The following PROM2 variants were observed in gnomAD, a reference collection of about 807,000 sequenced individuals.
PROM2 encodes prominin 2, also known as prominin-2.
Under a neutral mutation model 110.2 loss-of-function variants are expected in PROM2, and 90 were observed. The ratio of observed to expected loss-of-function variants is 0.82; its 90% CI spans 0.69 to 0.97. The LOEUF (loss-of-function observed/expected upper bound fraction) is 0.97, where lower values mean the gene tolerates loss of function less well. Ranked by LOEUF, PROM2 falls within the 50% of genes least tolerant of loss-of-function variation. The pLI, the probability that PROM2 is intolerant of heterozygous loss-of-function variation, is 0.00. For missense variants in PROM2, 1,009 were observed against 1,074.8 expected (o/e 0.94, Z 0.86); for synonymous variants, 470 against 467.8 (o/e 1.00, Z -0.06).
rs1365240895 is a variant in PROM2, at chr2:95,278,743, T to G, written c.1073T>G (p.Leu358Arg). The G allele has an allele frequency of 6.2e-7, 1 of 1,614,066 alleles. No individual in the cohort carries two copies. The highest frequency in any genetic ancestry group is 8.5e-7 in the Non-Finnish European group (1 of 1,180,020). ...CAGGAGAACAGCACCTTCAACGCCC[T>G]TCCAGCCCTGGCTGCCATGCAGACA... ...VQEENSTFNA[L>R]PALAAMQTSS... Residue 358 changes from leucine to arginine, a missense_variant, in exon 9 of 24, where the codon CTT becomes CGT. Transcript: ENST00000317620.
At position 95,276,171 on chromosome 2, in the gene PROM2, G is replaced by GC; in HGVS notation, c.497+44dup. 6.2e-7 allele frequency: 1 copy of GC among 1,612,220 alleles called. No homozygotes were observed. The highest frequency in any genetic ancestry group is 8.5e-7 in the Non-Finnish European group (1 of 1,178,918). ...CAGGGCCCGGGTAGGGCGGGCTGTGGCCCCCAGGCTCCCTCTTACCCAGCA... is the reference window on the plus strand; with the variant it reads ...CAGGGCCCGGGTAGGGCGGGCTGTGGCCCCCCAGGCTCCCTCTTACCCAGCA... On this transcript the variant is annotated intron_variant, in intron 3 of 23. Transcript: ENST00000317620. The surrounding 1 kb of genome is among the most constrained non-coding windows in gnomAD (Gnocchi z 4.6).
In PROM2 at chr2:95,276,617, A is replaced by G. The variant is rs1170464056; in HGVS notation, c.642A>G (p.Gln214=). ...VPQELQAVAQ[Q]FSLPQEQVSE... is the part of the protein sequence containing the mutation. The stretch of plus-strand genomic sequence containing the variant: ...AGGAGCTGCAGGCCGTGGCACAGCA[A>G]TTCTCCCTGCCCCAGGAGCAAGTCT... The change falls in exon 5 of 24, where the codon CAA becomes CAG. Residue 214 remains glutamine, a synonymous_variant. Coordinates refer to ENST00000317620, the MANE Select transcript of PROM2 (RefSeq NM_001165978.3). The surrounding 1 kb of genome is among the most constrained non-coding windows in gnomAD (Gnocchi z 4.6). 6.2e-7 allele frequency: 1 copy of G among 1,613,374 alleles called. No individual in the cohort carries two copies. The highest frequency in any genetic ancestry group is 2.2e-5 in the East Asian group (1 of 44,830).
rs1021426749 is a variant in PROM2, at chr2:95,290,729, G to A, written c.*1516G>A. ...TTGCCATGACTGCTCTGGGCCGGGG[G>A]TAGAGCTAGCATCCGGGCATGTACG... On this transcript the variant is annotated 3_prime_UTR_variant, in exon 24 of 24. Coordinates refer to ENST00000317620, the MANE Select transcript of PROM2 (RefSeq NM_001165978.3). The A allele has an allele frequency of 2.6e-5, 4 of 152,282 alleles. No individual in the cohort carries two copies. Among genetic ancestry groups the A allele is most frequent in the African/African-American group, 7.2e-5 (3 of 41,454 alleles). 9.4% of individuals were successfully genotyped at this position (152,282 alleles called of 1,614,324 possible). A position where few individuals can be genotyped will look rare whatever the true frequency, so the allele number is the denominator to read the frequency against.
chr2:95,281,885 C>T, intron 12 of PROM2, 40 bp from the exon 13 acceptor site: 1 of 1,485,110 alleles, frequency 6.7e-7, no homozygotes, highest in Non-Finnish European at 9.4e-7. Flanking sequence ...GCCTTGCCCC[C>T]ACCCCGCTCT....
intron 8 of PROM2, 51 bp downstream of exon 8, chr2:95,278,055 CCT>C: frequency 6.9e-7 from 1 of 1,448,626 alleles, no homozygotes; most frequent in Non-Finnish European, 9.6e-7. Flanking sequence ...CAAGTGAGGG[CCT>C]CTGTTTCCCC....
chr2:95,278,924 G>A, intron 9 of PROM2, 61 bp from the exon 10 acceptor site: 13 of 1,600,488 alleles, frequency 8.1e-6, no homozygotes, highest in Admixed American at 1.7e-5. Flanking sequence ...CTGCCCGCTT[G>A]TCTTGTTCCT....
In PROM2 at chr2:95,275,330, T is replaced by G; in HGVS notation, c.245-131T>G. On this transcript the variant is annotated intron_variant, in intron 1 of 23. Transcript: ENST00000317620. This position sits in a 1 kb window ranked among gnomAD's most constrained non-coding sequence, Gnocchi z 4.4. ...GGCACAGGGCTGCGGTGATGCAGCC[T>G]TCTGCGAGGGTGCCATGGTGGTGGC... 3.7e-6 allele frequency: 3 copies of G among 815,364 alleles called. No individual in the cohort carries two copies. Among genetic ancestry groups the G allele is most frequent in the Non-Finnish European group, 5.9e-6 (3 of 506,766 alleles). 50.5% of individuals were successfully genotyped at this position (815,364 alleles called of 1,614,324 possible). A position where few individuals can be genotyped will look rare whatever the true frequency, so the allele number is the denominator to read the frequency against.
chr2:95,275,403 G>T lies in PROM2; in HGVS notation c.245-58G>T. 6.6e-7 allele frequency: 1 copy of T among 1,526,532 alleles called. No individual in the cohort carries two copies. The highest frequency in any genetic ancestry group is 2.3e-5 in the East Asian group (1 of 43,984). The allele number at this position is 1,526,532 out of a possible 1,614,324, so 94.6% of individuals were successfully genotyped here. A position where few individuals can be genotyped will look rare whatever the true frequency, so the allele number is the denominator to read the frequency against. On this transcript the variant is annotated intron_variant, in intron 1 of 23. Transcript: ENST00000317620. The surrounding 1 kb of genome is among the most constrained non-coding windows in gnomAD (Gnocchi z 4.4). ...TTTGCCCTGGCAGTGGGGAGAGGAG[G>T]GACACAGGGGCAGGGCAGTGGCTGT...
intron 10 of PROM2, 65 bp from the exon 11 acceptor site, chr2:95,279,780 G>A (rs73957747): frequency 9.0e-6 from 12 of 1,337,710 alleles, no homozygotes; most frequent in African/African-American, 4.5e-5. Context: ...GCCACGTCCC[G>A]CACCTGTCCA....
intron 8 of PROM2, chr2:95,278,492 A>G (rs1338633379): frequency 1.7e-6 from 1 of 606,008 alleles, no homozygotes; most frequent in African/African-American, 1.8e-5. Context: ...GTTCACTGCA[A>G]TGGTGGGAGA....
chr2:95,286,843 G>T lies in PROM2; in HGVS notation c.2080G>T (p.Ala694Ser), dbSNP rs747409695. ...CAGCGTCAGGGCCCTGGAGTCCTCT[G>T]CCCCGAATCTCCAGGTGGCTGCTGT... ...NLSVRALESSAPNLQLETSDV... is the reference protein window; with the variant it reads ...NLSVRALESSSPNLQLETSDV... The change falls in exon 18 of 24, where the codon GCC (alanine) becomes TCC (serine). Residue 694 changes from alanine to serine, a missense_variant. By Grantham distance (99) the Ala-to-Ser change is moderately conservative (BLOSUM62 1). Transcript: ENST00000317620. 1 of 1,613,850 alleles carries T rather than the reference G, an allele frequency of 6.2e-7. No individual in the cohort carries two copies. Among genetic ancestry groups the T allele is most frequent in the South Asian group, 1.1e-5 (1 of 91,080 alleles).
At chr2:95,282,114 A>G in intron 13 of PROM2, 28 bp from the exon 14 acceptor site, 1 of 1,609,120 alleles carries the variant, frequency 6.2e-7, no homozygotes, top group South Asian at 1.1e-5. Context: ...CCCAAGGCTC[A>G]TCGTCTGCAC....
chr2:95,281,397 G>C (rs1368366106), intron 12 of PROM2, 32 bp downstream of exon 12: 1 of 1,602,056 alleles, frequency 6.2e-7, no homozygotes, highest in Admixed American at 1.7e-5. Context: ...GGCCCTCCTG[G>C]GGAGAGAGGT....
At chr2:95,278,359 C>T in intron 8 of PROM2, 1 of 524,404 alleles carries the variant, frequency 1.9e-6, no homozygotes, top group Non-Finnish European at 3.4e-6. Context: ...GATGAGTCAG[C>T]CATGCTGGGT....
chr2:95,281,789 T>A lies in PROM2; in HGVS notation c.1552-136T>A, dbSNP rs545668295. 17 of 677,536 alleles carry A rather than the reference T, an allele frequency of 2.5e-5. No individual in the cohort carries two copies. The Middle Eastern group carries it at 3.4e-3, about 134-fold the overall frequency. 42.0% of individuals were successfully genotyped at this position (677,536 alleles called of 1,614,324 possible). A position where few individuals can be genotyped will look rare whatever the true frequency, so the allele number is the denominator to read the frequency against. ...GGGGTCACCAGAGTTAGAGGCCAGG[T>A]GTGAGCTGGGGTGAGGGGATGTTTC... On this transcript the variant is annotated intron_variant, in intron 12 of 23. Transcript: ENST00000317620.
In PROM2 at chr2:95,282,059, G is replaced by A. The variant is rs764164792; in HGVS notation, c.1643+43G>A. 4 of 1,609,166 alleles carry A rather than the reference G, an allele frequency of 2.5e-6. No homozygotes were observed. In the Admixed American group the frequency reaches 5.0e-5, roughly 20 times the overall value. Reference sequence around the variant, plus strand: ...GCAGAGCTGGGACCGGGGAAGGAAGGAGGAGGGCCGGTGTCCCTCAGGGGA... The same window carrying A: ...GCAGAGCTGGGACCGGGGAAGGAAGAAGGAGGGCCGGTGTCCCTCAGGGGA... On this transcript the variant is annotated intron_variant, in intron 13 of 23. Coordinates refer to ENST00000317620, the MANE Select transcript of PROM2 (RefSeq NM_001165978.3).
At position 95,281,380 on chromosome 2, in the gene PROM2, G is replaced by A. The variant is rs1419477388; in HGVS notation, c.1551+15G>A. ...AGCTCTTTGAGGTAGGCCTGTCTCTGCTCACAGGCCCTCCTGGGGAGAGAG... is the reference window on the plus strand; with the variant it reads ...AGCTCTTTGAGGTAGGCCTGTCTCTACTCACAGGCCCTCCTGGGGAGAGAG... On this transcript the variant is annotated intron_variant, in intron 12 of 23. Transcript: ENST00000317620. 2 of 1,603,072 alleles carry A rather than the reference G, an allele frequency of 1.2e-6. No homozygotes were observed. The highest frequency in any genetic ancestry group is 1.7e-4 in the Middle Eastern group (1 of 6,016).
Position 95,289,022 on chromosome 2 carries a change from C to G in PROM2, c.*10+16C>G, listed in dbSNP as rs1353059917. ...GGCCTTGTGGGTGAGTTTTCCCCAACTCGCTTAATTGCTCCCTGCCAGGGA... is the reference window on the plus strand; with the variant it reads ...GGCCTTGTGGGTGAGTTTTCCCCAAGTCGCTTAATTGCTCCCTGCCAGGGA... On this transcript the variant is annotated intron_variant, in intron 23 of 23. Coordinates refer to ENST00000317620, the MANE Select transcript of PROM2 (RefSeq NM_001165978.3). 6.3e-7 allele frequency: 1 copy of G among 1,599,536 alleles called. No homozygotes were observed. Among genetic ancestry groups the G allele is most frequent in the African/African-American group, 1.3e-5 (1 of 74,594 alleles).
At chr2:95,278,810 C>T (rs750163417) in intron 9 of PROM2, 26 bp downstream of exon 9, 3 of 1,613,890 alleles carry the variant, frequency 1.9e-6, no homozygotes, top group Admixed American at 3.3e-5. Context: ...TCAGAGGCAG[C>T]TGCCAGGCAT....
Sources: allele counts gnomAD v4.1 joint callset, GRCh38; gene constraint gnomAD v4.1.1; non-coding constraint Gnocchi (gnomAD v3.1); transcripts MANE v1.5; gene names NCBI Gene and HGNC (gene_info 2026-07-23, HGNC 2026-07-21).